The following ELMO1 variants were observed in gnomAD, a reference collection of about 807,000 sequenced individuals.
The protein encoded by ELMO1 is engulfment and cell motility 1, also known as engulfment and cell motility protein 1.
ELMO1 carries 26 observed loss-of-function variants against 98.9 expected under a neutral mutation model. The observed-to-expected ratio is 0.26, with a 90% confidence interval of 0.19 to 0.36. ELMO1 has a LOEUF of 0.36. Ranked by LOEUF, ELMO1 falls within the 10% of genes least tolerant of loss-of-function variation. The probability of loss-of-function intolerance (pLI) is 1.00; values close to 1 mark genes in which losing one functional copy is unlikely to be tolerated. For synonymous variants in ELMO1, 346 were observed against 346.0 expected, an observed-to-expected ratio of 1.00 and a Z score of 0.00; for missense variants, 627 against 935.2, an observed-to-expected ratio of 0.67 and a Z score of 4.30.
chr7:37,079,450 G>A (rs1797746891), intron 15 of ELMO1, among the ~76,000 whole-genome samples: 1 of 152,200 alleles, frequency 6.6e-6, no homozygotes, highest in South Asian at 2.1e-4. Flanking sequence ...GTCAAATGGT[G>A]TAAATGTTTC....
At chr7:37,115,419 C>T (rs1031956577) in intron 14 of ELMO1, among the ~76,000 whole-genome samples, 2 of 152,104 alleles carry the variant, frequency 1.3e-5, no homozygotes, top group Non-Finnish European at 2.9e-5. Flanking sequence ...GGATTTGTTT[C>T]AGGTATGCAA....
chr7:37,285,750 T>C (rs1444229587), intron 4 of ELMO1, among the ~76,000 whole-genome samples: 1 of 152,160 alleles, frequency 6.6e-6, no homozygotes, highest in Admixed American at 6.5e-5. Flanking sequence ...GGAGTGCCTG[T>C]GTTTCCAGGG....
At chr7:36,934,851 G>A (rs977866902) in intron 16 of ELMO1, among the ~76,000 whole-genome samples, 2 of 152,206 alleles carry the variant, frequency 1.3e-5, no homozygotes, top group African/African-American at 4.8e-5. Context: ...GACCCAGGTT[G>A]TCCCCAAGGT....
intron 7 of ELMO1, among the ~76,000 whole-genome samples, chr7:37,244,121 T>C (rs2130705532): frequency 6.6e-6 from 1 of 152,268 alleles, no homozygotes; most frequent in South Asian, 2.1e-4. Context: ...ACAGCATCAC[T>C]TAGTGGTTAC....
rs369342780 is a variant in ELMO1, at chr7:37,422,422, G to A, written c.-74+26253C>T. Among the ~76,000 whole-genome samples, 48 of 152,258 alleles carry A rather than the reference G, an allele frequency of 3.2e-4. 1 individual carries two copies. The South Asian group carries it at 9.8e-3, about 31-fold the overall frequency. ...TTTTCCCCCAAAAAATCTGTGCTTCGCTTTGGCCTAAGGGACCTGGTACAA... is the reference window on the plus strand; with the variant it reads ...TTTTCCCCCAAAAAATCTGTGCTTCACTTTGGCCTAAGGGACCTGGTACAA... On this transcript the variant is annotated intron_variant, in intron 1 of 21. Coordinates refer to ENST00000310758, the MANE Select transcript of ELMO1 (RefSeq NM_014800.11).
intron 16 of ELMO1, among the ~76,000 whole-genome samples, chr7:37,012,822 G>A (rs1385816634): frequency 6.6e-6 from 1 of 152,160 alleles, no homozygotes; most frequent in South Asian, 2.1e-4. Flanking sequence ...AATTCTTCTT[G>A]ACGTAGCTCG....
chr7:37,204,251 GT>G (rs1239039241), intron 13 of ELMO1: 1 of 455,012 alleles, frequency 2.2e-6, no homozygotes, highest in South Asian at 1.6e-5. Flanking sequence ...GAGTGTTACA[GT>G]TCTTAAAGAT....
chr7:37,166,442 T>C (rs1789696343), intron 13 of ELMO1, among the ~76,000 whole-genome samples: 1 of 152,172 alleles, frequency 6.6e-6, no homozygotes, highest in Non-Finnish European at 1.5e-5. Flanking sequence ...GGTGTCAATT[T>C]TGGATCTTTC....
intron 16 of ELMO1, among the ~76,000 whole-genome samples, chr7:36,943,316 A>C (rs894817660): frequency 4.6e-5 from 7 of 152,202 alleles, no homozygotes; most frequent in Non-Finnish European, 8.8e-5. Context: ...ATTCAGAGTA[A>C]CACGGTGTTT....
intron 13 of ELMO1, among the ~76,000 whole-genome samples, chr7:37,160,474 C>A (rs1028668219): frequency 2.6e-5 from 4 of 152,240 alleles, no homozygotes; most frequent in African/African-American, 9.6e-5. Context: ...CTTATTCCCC[C>A]TTTTCCTTCC....
intron 13 of ELMO1, among the ~76,000 whole-genome samples, chr7:37,156,229 T>C (rs1788751611): frequency 6.6e-6 from 1 of 151,878 alleles, no homozygotes; most frequent in Admixed American, 6.6e-5. Context: ...GCAGGAAAGA[T>C]CCAAAATTGA....
chr7:37,004,087 C>A (rs778237964), intron 16 of ELMO1, among the ~76,000 whole-genome samples: 4 of 152,052 alleles, frequency 2.6e-5, no homozygotes, highest in Non-Finnish European at 4.4e-5. Context: ...ATCAATGAGG[C>A]CTTGTATTTC....
At chr7:37,444,313 A>G (rs1805524706) in intron 1 of ELMO1, among the ~76,000 whole-genome samples, 1 of 152,216 alleles carries the variant, frequency 6.6e-6, no homozygotes, top group Non-Finnish European at 1.5e-5. Flanking sequence ...GTAAATTTCC[A>G]AAGACCTCAA....
chr7:37,078,415 C>T lies in ELMO1; in HGVS notation c.1300+18204G>A, dbSNP rs1264429842. On this transcript the variant is annotated intron_variant, in intron 15 of 21. Transcript: ENST00000310758. ...CTACATCTGTAAGTCTCTCTCATGT[C>T]TATATCTATTAATGATCCATCTATC... is the stretch of plus-strand genomic sequence containing the variant. 4.6e-5 allele frequency among the ~76,000 whole-genome samples: 7 copies of T among 152,162 alleles called. No homozygotes were observed. The South Asian group carries it at 8.3e-4, about 18-fold the overall frequency.
intron 16 of ELMO1, among the ~76,000 whole-genome samples, chr7:36,975,663 A>G (rs185659901): frequency 2.8e-4 from 43 of 151,960 alleles, no homozygotes; most frequent in Non-Finnish European, 4.6e-4. Flanking sequence ...CCTGACCAAC[A>G]TGGTGAAACC....
At chr7:37,005,125 A>AAAAAAAAG (rs1562890637) in intron 16 of ELMO1, among the ~76,000 whole-genome samples, 82 of 149,608 alleles carry the variant, frequency 5.5e-4, no homozygotes, top group East Asian at 3.6e-3. Flanking sequence ...AAAAAAAAAA[A>AAAAAAAAG]AAAAAAAGAA....
At chr7:36,868,278 C>T (rs550160896) in intron 20 of ELMO1, among the ~76,000 whole-genome samples, 9 of 151,908 alleles carry the variant, frequency 5.9e-5, no homozygotes, top group Admixed American at 2.6e-4. Context: ...CCTGCAACCT[C>T]AGTTCTAGGA....
At chr7:37,100,911 T>G (rs2129264414) in intron 14 of ELMO1, among the ~76,000 whole-genome samples, 1 of 152,352 alleles carries the variant, frequency 6.6e-6, no homozygotes, top group East Asian at 1.9e-4. Flanking sequence ...CTTTGTGAGA[T>G]ACGAAGACCT....
intron 21 of ELMO1, among the ~76,000 whole-genome samples, chr7:36,860,007 T>C (rs1320846332): frequency 1.3e-5 from 2 of 152,206 alleles, no homozygotes; most frequent in African/African-American, 4.8e-5. Context: ...AAGACTTTTA[T>C]GATGATCCTC....
Sources: gnomAD v4.1 joint callset for allele counts (sites outside exome capture counted in the v4.1 genomes callset) on GRCh38, gnomAD v4.1.1 for gene constraint, MANE v1.5 for transcripts, NCBI Gene and HGNC (gene_info 2026-07-23, HGNC 2026-07-21) for gene names.